CHAF1A: variants seen among roughly 807,000 people sequenced by gnomAD.
CHAF1A encodes CAF-1 subunit A.
CHAF1A carries 5 observed loss-of-function variants against 93.2 expected under a neutral mutation model. That is an observed-to-expected ratio of 0.05 (90% confidence interval 0.03 to 0.11). The LOEUF (loss-of-function observed/expected upper bound fraction) is 0.11, where lower values mean the gene tolerates loss of function less well. Ranked by LOEUF, CHAF1A falls within the 10% of genes least tolerant of loss-of-function variation. The pLI is 1.00. For missense variants in CHAF1A, 1,102 were observed against 1,259.9 expected (o/e 0.87, Z 1.90); for synonymous variants, 504 against 510.3 (o/e 0.99, Z 0.17).
At chr19:4,430,679 AG>A in intron 11 of CHAF1A, 38 bp downstream of exon 11, 1 of 1,611,560 alleles carries the variant, frequency 6.2e-7, no homozygotes, top group Non-Finnish European at 8.5e-7. Context: ...GCTCAGCAAA[AG>A]TTCATTTCTG....
chr19:4,410,120 G>C (rs572622805), intron 3 of CHAF1A, among the ~76,000 whole-genome samples: 1 of 152,266 alleles, frequency 6.6e-6, no homozygotes, highest in East Asian at 1.9e-4. Flanking sequence ...CTTTCTCTGT[G>C]CCCTTCCTGT....
At chr19:4,419,508 C>A (rs1973953434) in intron 4 of CHAF1A, among the ~76,000 whole-genome samples, 1 of 152,068 alleles carries the variant, frequency 6.6e-6, no homozygotes, top group Non-Finnish European at 1.5e-5. Context: ...CGGCTCACTG[C>A]AGCCTCTACC....
Position 4,442,937 on chromosome 19 carries a change from C to A in CHAF1A, c.2783C>A (p.Pro928Gln). Residue 928 changes from proline (P) to glutamine (Q), a missense_variant, in exon 15 of 15, where the codon CCG becomes CAG. Coordinates refer to ENST00000301280, the MANE Select transcript of CHAF1A (RefSeq NM_005483.3). ...TCTTGCCCTGCAGAGGTCCAAGCCC[C>A]GTGTGGAGCCGCTTCCGGAGCTGGG... ...DVPDAAEVQA[P>Q]CGAASGAGGG... is the part of the protein sequence containing the mutation. 1 of 1,596,558 alleles carries A rather than the reference C, an allele frequency of 6.3e-7. No individual in the cohort carries two copies. Among genetic ancestry groups the A allele is most frequent in the Non-Finnish European group, 8.5e-7 (1 of 1,172,528 alleles).
downstream of CHAF1A, chr19:4,446,682 G>C: frequency 6.2e-7 from 1 of 1,611,702 alleles, no homozygotes. Flanking sequence ...GCTGGGCCAA[G>C]GTGGTCTCGC....
downstream of CHAF1A, chr19:4,447,979 G>C (rs1406448163): frequency 1.2e-5 from 6 of 501,676 alleles, no homozygotes; most frequent in Non-Finnish European, 2.2e-5. Flanking sequence ...GTGCTCCCTC[G>C]GCGTTGGCGG....
intron 1 of CHAF1A, among the ~76,000 whole-genome samples, chr19:4,403,163 C>T (rs933186240): frequency 6.6e-6 from 1 of 152,192 alleles, no homozygotes; most frequent in East Asian, 1.9e-4. Flanking sequence ...GTTTGTGTCC[C>T]TTGACCATGT....
chr19:4,423,292 C>T, intron 5 of CHAF1A, 43 bp from the exon 6 acceptor site: 1 of 1,613,202 alleles, frequency 6.2e-7, no homozygotes, highest in Admixed American at 1.7e-5. Flanking sequence ...CCTTCCAGAG[C>T]CAAAGCAAAG....
chr19:4,445,317 C>G, downstream of CHAF1A: 1 of 1,074,066 alleles, frequency 9.3e-7, no homozygotes, highest in East Asian at 2.4e-5. Flanking sequence ...CCACAGCCCC[C>G]AAGGGATGGG....
At chr19:4,420,884 G>A (rs1339823093) in intron 4 of CHAF1A, among the ~76,000 whole-genome samples, 2 of 152,054 alleles carry the variant, frequency 1.3e-5, no homozygotes, top group African/African-American at 2.4e-5. Flanking sequence ...ATCAGTCTGG[G>A]CAACATAGTG....
At chr19:4,443,768 G>T (rs1053400219), downstream of CHAF1A, among the ~76,000 whole-genome samples, 25 of 152,282 alleles carry the variant, frequency 1.6e-4, no homozygotes, top group Non-Finnish European at 7.4e-5. Context: ...GCTGGAGCTA[G>T]AAGGTGACCT....
At chr19:4,417,758 G>A (rs775399381) in intron 3 of CHAF1A, among the ~76,000 whole-genome samples, 1 of 152,178 alleles carries the variant, frequency 6.6e-6, no homozygotes, top group Non-Finnish European at 1.5e-5. Context: ...ACCGCGCCCA[G>A]CCTTGTCTGT....
chr19:4,414,888 C>G (rs979670696), intron 3 of CHAF1A, among the ~76,000 whole-genome samples: 3 of 152,192 alleles, frequency 2.0e-5, no homozygotes, highest in African/African-American at 2.4e-5. Context: ...TCTTTTCCCC[C>G]CTGCCTCCGC....
chr19:4,409,627 CGAA>C lies in CHAF1A; in HGVS notation c.834_836del (p.Glu278del). On this transcript the variant is annotated inframe_deletion, in exon 3 of 15. Transcript: ENST00000301280. Reference sequence around the variant, plus strand: ...AGAGTGAGGTGCTGGAATCTTTCCCCGAAGAAGACTCTGTACTCAGCCATTCGT... The same window carrying C: ...AGAGTGAGGTGCTGGAATCTTTCCCCGAAGACTCTGTACTCAGCCATTCGT... 6.2e-7 allele frequency: 1 copy of C among 1,614,134 alleles called. No homozygotes were observed. Among genetic ancestry groups the C allele is most frequent in the Non-Finnish European group, 8.5e-7 (1 of 1,180,018 alleles).
downstream of CHAF1A, chr19:4,448,323 A>C: frequency 6.2e-7 from 1 of 1,605,892 alleles, no homozygotes; most frequent in Non-Finnish European, 8.5e-7. Flanking sequence ...CTCACTTGGC[A>C]ATGGTGTCCA....
rs187972086 is a variant in CHAF1A, at chr19:4,433,957, C to A, written c.2673+418C>A. ...AGCAGTTTTAGGGTCACAGCAAAAT[C>A]GATTGGAAGGTACAGAAAGTTCCCA... On this transcript the variant is annotated intron_variant, in intron 13 of 14. Transcript: ENST00000301280. This position sits in a 1 kb window ranked among gnomAD's most constrained non-coding sequence, Gnocchi z 5.6. Among the ~76,000 whole-genome samples, 1 of 152,008 alleles carries A rather than the reference C, an allele frequency of 6.6e-6. No individual in the cohort carries two copies. The highest frequency in any genetic ancestry group is 1.5e-5 in the Non-Finnish European group (1 of 68,016).
chr19:4,422,021 T>TTTTA lies in CHAF1A; in HGVS notation c.1018-542_1018-541insATTT, dbSNP rs1226941783. Among the ~76,000 whole-genome samples the TTTTA allele has an allele frequency of 6.6e-6, 1 of 151,638 alleles. No individual in the cohort carries two copies. Among genetic ancestry groups the TTTTA allele is most frequent in the Non-Finnish European group, 1.5e-5 (1 of 67,882 alleles). On this transcript the variant is annotated intron_variant, in intron 4 of 14. Transcript: ENST00000301280. This position sits in a 1 kb window ranked among gnomAD's most constrained non-coding sequence, Gnocchi z 4.6. ...CACGCCTGGCTAATTTTTTTTTTTT[T>TTTTA]TTTTATTAAATGGAGTCTCACTCTG... is the stretch of plus-strand genomic sequence containing the variant.
chr19:4,446,400 C>T (rs764844860), downstream of CHAF1A: 22 of 1,578,936 alleles, frequency 1.4e-5, no homozygotes, highest in Non-Finnish European at 1.7e-5. Flanking sequence ...CTCAGCCGCT[C>T]CACCGCCTCG....
At chr19:4,447,514 C>T, downstream of CHAF1A, 1 of 1,611,982 alleles carries the variant, frequency 6.2e-7, no homozygotes, top group Non-Finnish European at 8.5e-7. Flanking sequence ...GCCCCCACCC[C>T]CAGCCTGGGC....
chr19:4,417,869 A>G, intron 3 of CHAF1A, 151 bp from the exon 4 acceptor site: 1 of 502,768 alleles, frequency 2.0e-6, no homozygotes, highest in Non-Finnish European at 3.6e-6. Flanking sequence ...AATCCCAGAT[A>G]CACACATGTA....
Sources: gnomAD v4.1 joint callset for allele counts (sites outside exome capture counted in the v4.1 genomes callset) on GRCh38, gnomAD v4.1.1 for gene constraint, Gnocchi (gnomAD v3.1) non-coding constraint, MANE v1.5 for transcripts, NCBI Gene and HGNC (gene_info 2026-07-23, HGNC 2026-07-21) for gene names.